The following RBFOX3 variants were observed in gnomAD, a reference collection of about 807,000 sequenced individuals.
RBFOX3 encodes the protein RNA binding fox-1 homolog 3, also known as RNA binding protein fox-1 homolog 3.
A neutral mutation model predicts 48.7 loss-of-function variants in RBFOX3; 17 were observed. That is an observed-to-expected ratio of 0.35 (90% CI 0.24 to 0.52). RBFOX3 has a LOEUF of 0.52. Among genes scored for constraint, RBFOX3 ranks in the 20% least tolerant of loss-of-function variants. The pLI is 0.94. For synonymous variants in RBFOX3, 212 were observed against 209.5 expected (o/e 1.01, Z -0.10); for missense variants, 382 against 497.5 (o/e 0.77, Z 2.21).
At chr17:79,343,717 T>C (rs2082442799) in intron 2 of RBFOX3, among the ~76,000 whole-genome samples, 1 of 152,136 alleles carries the variant, frequency 6.6e-6, no homozygotes, top group Non-Finnish European at 1.5e-5. Context: ...GTATGTACTG[T>C]CAGCCAGGCA....
chr17:79,650,469 C>T, the RBFOX3 span, among the ~76,000 whole-genome samples: 1 of 151,990 alleles, frequency 6.6e-6, no homozygotes, highest in East Asian at 1.9e-4. Flanking sequence ...CATAAGGATT[C>T]TGCACCCTGC....
At chr17:79,542,263 G>A (rs184677799) in intron 1 of RBFOX3, among the ~76,000 whole-genome samples, 1 of 152,206 alleles carries the variant, frequency 6.6e-6, no homozygotes, top group Non-Finnish European at 1.5e-5. Flanking sequence ...CCAAAAGGCA[G>A]CGGCTTCACC....
At chr17:79,300,288 T>C (rs773590655) in intron 3 of RBFOX3, among the ~76,000 whole-genome samples, 10 of 152,206 alleles carry the variant, frequency 6.6e-5, no homozygotes. Context: ...CTGTCTGTGC[T>C]GTGTTACTGC....
chr17:79,500,865 G>A (rs1271571690), intron 1 of RBFOX3, among the ~76,000 whole-genome samples: 7 of 152,280 alleles, frequency 4.6e-5, no homozygotes, highest in Non-Finnish European at 7.4e-5. Flanking sequence ...GCAGACACCC[G>A]TGCTAGGGAC....
chr17:79,622,902 C>T, the RBFOX3 span, among the ~76,000 whole-genome samples: 1 of 152,152 alleles, frequency 6.6e-6, no homozygotes, highest in African/African-American at 2.4e-5. Flanking sequence ...CGTGGCAGAG[C>T]CTCCGCTCCT....
chr17:79,444,642 T>A (rs1384071036), intron 2 of RBFOX3, among the ~76,000 whole-genome samples: 1 of 151,970 alleles, frequency 6.6e-6, no homozygotes, highest in Admixed American at 6.6e-5. Flanking sequence ...CTCAGACACT[T>A]CCCGGACTGG....
At position 79,480,657 on chromosome 17, in the gene RBFOX3, GC is replaced by G. The variant is rs2078646716; in HGVS notation, c.-175+1796del. 1.3e-5 allele frequency among the ~76,000 whole-genome samples: 2 copies of G among 151,974 alleles called. No homozygotes were observed. Among genetic ancestry groups the G allele is most frequent in the Non-Finnish European group, 2.9e-5 (2 of 67,986 alleles). On this transcript the variant is annotated intron_variant, in intron 2 of 14. Transcript: ENST00000693108. This position sits in a 1 kb window ranked among gnomAD's most constrained non-coding sequence, Gnocchi z 4.8. ...CATGCCCACACGTTGCTGCCTCGGCGCCTTGGCACTGGCCATTCCCTCTGTC... is the reference window on the plus strand; with the variant it reads ...CATGCCCACACGTTGCTGCCTCGGCGCTTGGCACTGGCCATTCCCTCTGTC...
chr17:79,197,229 A>C (rs2055792753), intron 4 of RBFOX3, among the ~76,000 whole-genome samples: 1 of 152,202 alleles, frequency 6.6e-6, no homozygotes, highest in Admixed American at 6.5e-5. Flanking sequence ...GGCTGTCCAC[A>C]TGCTGTTTTC....
chr17:79,502,828 G>C (rs1052785096), intron 1 of RBFOX3, among the ~76,000 whole-genome samples: 1 of 152,196 alleles, frequency 6.6e-6, no homozygotes, highest in Non-Finnish European at 1.5e-5. Flanking sequence ...CCCTGTCCAC[G>C]GGGTTCCAGC....
rs1363145942 is a variant in RBFOX3 at position 79,195,573 on chromosome 17, T to G, written c.-34+40193A>C. Among the ~76,000 whole-genome samples the G allele has an allele frequency of 3.9e-5, 6 of 152,206 alleles. No individual in the cohort carries two copies. The highest frequency in any genetic ancestry group is 8.8e-5 in the Non-Finnish European group (6 of 68,040). On this transcript the variant is annotated intron_variant, in intron 4 of 14. Coordinates refer to ENST00000693108, the MANE Select transcript of RBFOX3 (RefSeq NM_001350451.2). The surrounding 1 kb of genome is among the most constrained non-coding windows in gnomAD (Gnocchi z 5.3). ...TCCATTTCAGTCTACGTTTCTTGGT[T>G]TCTGTCTGCTCTATCCTGATATCTG...
At chr17:79,553,493 A>G (rs2091339476) in intron 1 of RBFOX3, among the ~76,000 whole-genome samples, 1 of 152,144 alleles carries the variant, frequency 6.6e-6, no homozygotes, top group South Asian at 2.1e-4. Context: ...AATTACTTAG[A>G]CTTTTTCTTC....
chr17:79,313,607 C>T (rs184365050), intron 2 of RBFOX3, among the ~76,000 whole-genome samples: 7 of 152,262 alleles, frequency 4.6e-5, no homozygotes, highest in African/African-American at 1.4e-4. Flanking sequence ...ATGGGCGGGG[C>T]GGGACCTCAT....
intron 4 of RBFOX3, among the ~76,000 whole-genome samples, chr17:79,189,223 C>G (rs974296524): frequency 1.3e-5 from 2 of 152,212 alleles, no homozygotes; most frequent in Non-Finnish European, 2.9e-5. Context: ...ACCTGATCAT[C>G]ACAAGTTAGG....
At chr17:79,558,266 G>A (rs1287656290) in intron 1 of RBFOX3, among the ~76,000 whole-genome samples, 17 of 152,212 alleles carry the variant, frequency 1.1e-4, no homozygotes, top group Non-Finnish European at 2.2e-4. Context: ...GGGGCCTGGC[G>A]CAGGAGCAGG....
At position 79,117,869 on chromosome 17, in the gene RBFOX3, G is replaced by A. The variant is rs990753881; in HGVS notation, c.-33-2121C>T. 9.8e-5 allele frequency among the ~76,000 whole-genome samples: 15 copies of A among 152,332 alleles called. 1 individual carries two copies. The highest frequency in any genetic ancestry group is 3.6e-4 in the African/African-American group (15 of 41,570). ...GGAAAGCTTCAGAGAACAATGACCC[G>A]ATGTCAAACCATTGTTACAGCACTG... is the stretch of plus-strand genomic sequence containing the variant. On this transcript the variant is annotated intron_variant, in intron 4 of 14. Coordinates refer to ENST00000693108, the MANE Select transcript of RBFOX3 (RefSeq NM_001350451.2).
intron 4 of RBFOX3, among the ~76,000 whole-genome samples, chr17:79,219,669 G>T (rs1293129593): frequency 1.3e-5 from 2 of 152,130 alleles, no homozygotes; most frequent in Non-Finnish European, 2.9e-5. Context: ...TCTCCCCAGG[G>T]CCTCTGCAAG....
chr17:79,113,183 C>T (rs1856490850), intron 5 of RBFOX3, among the ~76,000 whole-genome samples: 1 of 152,090 alleles, frequency 6.6e-6, no homozygotes, highest in South Asian at 2.1e-4. Context: ...CCTGAGCCAG[C>T]AGGGAGGCGT....
At chr17:79,357,281 C>G (rs1467674236) in intron 2 of RBFOX3, among the ~76,000 whole-genome samples, 4 of 152,174 alleles carry the variant, frequency 2.6e-5, no homozygotes, top group Admixed American at 6.5e-5. Context: ...AAAAACGAAA[C>G]AAAACAAACA....
intron 3 of RBFOX3, among the ~76,000 whole-genome samples, chr17:79,287,537 C>T (rs980865338): frequency 4.6e-5 from 7 of 152,166 alleles, no homozygotes; most frequent in South Asian, 2.1e-4. Context: ...AAATCCACAA[C>T]GTGAGATTCT....
Sources: gnomAD v4.1 joint callset for allele counts (sites outside exome capture counted in the v4.1 genomes callset) on GRCh38, gnomAD v4.1.1 for gene constraint, Gnocchi (gnomAD v3.1) non-coding constraint, MANE v1.5 for transcripts, NCBI Gene and HGNC (gene_info 2026-07-23, HGNC 2026-07-21) for gene names.